TTLL8: variants seen among roughly 807,000 people sequenced by gnomAD.
TTLL8 encodes the protein protein monoglycylase TTLL8.
In TTLL8, 65 loss-of-function variants were observed where a neutral mutation model predicts 77.8. The ratio of observed to expected loss-of-function variants is 0.84; its 90% CI spans 0.68 to 1.03. The LOEUF (loss-of-function observed/expected upper bound fraction) is 1.03, where lower values mean the gene tolerates loss of function less well. TTLL8 is among the 50% of genes least tolerant of loss of function. The pLI is 0.00. For synonymous variants in TTLL8, 402 were observed against 422.8 expected (o/e 0.95, Z 0.60); for missense variants, 910 against 1,004.5 (o/e 0.91, Z 1.27).
intron 1 of TTLL8, among the ~76,000 whole-genome samples, chr22:50,052,025 C>T (rs993310376): frequency 1.3e-5 from 2 of 152,100 alleles, no homozygotes; most frequent in East Asian, 3.9e-4. Context: ...TCCCAGCACC[C>T]ATACGAGACA....
chr22:50,047,037 C>T, intron 4 of TTLL8, 131 bp downstream of exon 6: 2 of 1,205,764 alleles, frequency 1.7e-6, no homozygotes, highest in South Asian at 1.5e-5. Context: ...GGCCTTAGAC[C>T]AGGAGTCCTG....
At chr22:50,051,223 A>G (rs139403821) in intron 1 of TTLL8, among the ~76,000 whole-genome samples, 6 of 152,278 alleles carry the variant, frequency 3.9e-5, no homozygotes, top group South Asian at 4.1e-4. Flanking sequence ...TCCAAACTCT[A>G]TCTTATCATT....
Position 50,041,930 on chromosome 22 carries a change from C to G in TTLL8, c.644-123G>C. Reference sequence around the variant, plus strand: ...TCCACTCCCTCTGTGCCCCAATACCCAACAAGTATCCCAGATCCCCAGACA... The same window carrying G: ...TCCACTCCCTCTGTGCCCCAATACCGAACAAGTATCCCAGATCCCCAGACA... On this transcript the variant is annotated intron_variant, in intron 6 of 13. Coordinates refer to ENST00000266182, the Ensembl canonical transcript of TTLL8. This position sits in a 1 kb window ranked among gnomAD's most constrained non-coding sequence, Gnocchi z 4.3. The G allele has an allele frequency of 4.6e-6, 4 of 867,572 alleles. No individual in the cohort carries two copies. Among genetic ancestry groups the G allele is most frequent in the Non-Finnish European group, 6.2e-6 (4 of 644,196 alleles). 53.7% of individuals were successfully genotyped at this position (867,572 alleles called of 1,614,324 possible). A position where few individuals can be genotyped will look rare whatever the true frequency, so the allele number is the denominator to read the frequency against.
intron 12 of TTLL8, among the ~76,000 whole-genome samples, chr22:50,019,728 C>A (rs1391928639): frequency 3.3e-5 from 5 of 152,154 alleles, no homozygotes; most frequent in Admixed American, 2.6e-4. Context: ...GCCGAGGAGC[C>A]CTTCTCGGAC....
Position 50,031,733 on chromosome 22 carries a change from C to T in TTLL8, c.1660G>A (p.Val554Met), listed in dbSNP as rs145946479. ...TTGCCGATGTCACAGCTGCGGTCCA[C>T]GGCCACCTTGATGGTGTCCTCCTGC... is the stretch of plus-strand genomic sequence containing the variant. Residue 554 changes from valine to methionine, a missense_variant, in exon 11 of 14, where the codon GTG becomes ATG. Val to Met is a conservative substitution (Grantham distance 21). Transcript: ENST00000266182. The T allele has an allele frequency of 1.0e-4, 136 of 1,346,892 alleles. No homozygotes were observed. In the East Asian group the frequency reaches 5.1e-3, roughly 51 times the overall value. 83.4% of individuals were successfully genotyped at this position (1,346,892 alleles called of 1,614,324 possible). A position where few individuals can be genotyped will look rare whatever the true frequency, so the allele number is the denominator to read the frequency against.
intron 6 of TTLL8, among the ~76,000 whole-genome samples, chr22:50,043,017 T>A (rs1349000773): frequency 6.6e-6 from 1 of 152,238 alleles, no homozygotes; most frequent in Non-Finnish European, 1.5e-5. Flanking sequence ...AAACTTATGG[T>A]CACACAAAGA....
At chr22:50,049,651 A>C (rs1445987802) in intron 2 of TTLL8, among the ~76,000 whole-genome samples, 1 of 151,964 alleles carries the variant, frequency 6.6e-6, no homozygotes, top group Non-Finnish European at 1.5e-5. Flanking sequence ...GGAGTGATAG[A>C]GGCTGAGGGG....
rs1049373435 is a variant in TTLL8 at position 50,032,213 on chromosome 22, A to T, written c.1284-104T>A. ...TGAGCCCACCCAGCTGGCTCTAGAGAACCCTGCCCCTGAGGACTCCAACCC... is the reference window on the plus strand; with the variant it reads ...TGAGCCCACCCAGCTGGCTCTAGAGTACCCTGCCCCTGAGGACTCCAACCC... On this transcript the variant is annotated intron_variant, in intron 10 of 13. Coordinates refer to ENST00000266182, the Ensembl canonical transcript of TTLL8. 3 of 1,215,080 alleles carry T rather than the reference A, an allele frequency of 2.5e-6. No homozygotes were observed. In the African/African-American group the frequency reaches 4.7e-5, roughly 19 times the overall value. 75.3% of individuals were successfully genotyped at this position (1,215,080 alleles called of 1,614,324 possible). A position where few individuals can be genotyped will look rare whatever the true frequency, so the allele number is the denominator to read the frequency against.
chr22:50,047,199 T>C (rs763385955), exon 4 of TTLL8: 1 of 1,367,510 alleles, frequency 7.3e-7, no homozygotes, highest in Non-Finnish European at 9.8e-7. Context: ...CTTTGCGTAG[T>C]GGTTCAGCAT....
At chr22:50,027,929 C>A (rs1364896050) in intron 12 of TTLL8, among the ~76,000 whole-genome samples, 2 of 152,234 alleles carry the variant, frequency 1.3e-5, no homozygotes, top group African/African-American at 2.4e-5. Flanking sequence ...GTGGCAACTG[C>A]GGCAGGAACC....
intron 11 of TTLL8, 125 bp from the exon 13 acceptor site, chr22:50,031,050 T>G (rs1455581289): frequency 1.1e-6 from 1 of 883,902 alleles, no homozygotes; most frequent in Admixed American, 4.0e-5. Flanking sequence ...GAGTGAACAG[T>G]GAACACCTGG....
At chr22:50,046,830 G>A (rs1470353171) in intron 4 of TTLL8, among the ~76,000 whole-genome samples, 1 of 152,192 alleles carries the variant, frequency 6.6e-6, no homozygotes, top group Non-Finnish European at 1.5e-5. Flanking sequence ...CCCGGTGCTG[G>A]GGGGAGCGGC....
chr22:50,050,309 G>T, intron 1 of TTLL8, 62 bp from the exon 4 acceptor site: 1 of 1,230,342 alleles, frequency 8.1e-7, no homozygotes, highest in Non-Finnish European at 1.1e-6. Flanking sequence ...GGCAGATTTT[G>T]GTTGCATGGA....
chr22:50,029,786 G>A (rs1304732858), intron 12 of TTLL8, among the ~76,000 whole-genome samples: 11 of 151,590 alleles, frequency 7.3e-5, no homozygotes, highest in Non-Finnish European at 1.6e-4. Context: ...CCCCCACCAC[G>A]CCCTCGCGAG....
chr22:50,047,909 C>T (rs1260798538), intron 3 of TTLL8, among the ~76,000 whole-genome samples: 3 of 152,242 alleles, frequency 2.0e-5, no homozygotes, highest in East Asian at 3.9e-4. Flanking sequence ...ACCAGCCTGA[C>T]CAACATGGTG....
chr22:50,040,059 C>T (rs1463642871), intron 8 of TTLL8, among the ~76,000 whole-genome samples: 1 of 143,962 alleles, frequency 6.9e-6, no homozygotes, highest in East Asian at 2.2e-4. Context: ...CCAGTGTGGA[C>T]AGAGCTCACG....
At chr22:50,037,535 A>G (rs539907844) in intron 8 of TTLL8, among the ~76,000 whole-genome samples, 3 of 152,268 alleles carry the variant, frequency 2.0e-5, no homozygotes, top group Admixed American at 6.5e-5. Flanking sequence ...TTTCACATAT[A>G]TGATATATCA....
upstream of TTLL8, chr22:50,055,451 C>T (rs1433395923): frequency 5.5e-5 from 27 of 493,220 alleles, no homozygotes; most frequent in South Asian, 4.1e-4. Flanking sequence ...GCCAGGAGTT[C>T]GAGACCAGCC....
chr22:50,019,096 C>T (rs547127490), intron 12 of TTLL8, among the ~76,000 whole-genome samples: 2 of 152,114 alleles, frequency 1.3e-5, no homozygotes, highest in South Asian at 4.1e-4. Flanking sequence ...GCTTCAAAGT[C>T]GATATATTGC....
Sources: gnomAD v4.1 joint callset for allele counts (sites outside exome capture counted in the v4.1 genomes callset) on GRCh38, gnomAD v4.1.1 for gene constraint, Gnocchi (gnomAD v3.1) non-coding constraint, MANE v1.5 for transcripts, NCBI Gene and HGNC (gene_info 2026-07-23, HGNC 2026-07-21) for gene names.